HMGN3: variants seen among roughly 807,000 people sequenced by gnomAD.
The protein encoded by HMGN3 is high mobility group nucleosomal binding domain 3.
HMGN3 carries 6 observed loss-of-function variants against 18.8 expected under a neutral mutation model. The ratio of observed to expected loss-of-function variants is 0.32; its 90% CI spans 0.18 to 0.63. HMGN3 has a LOEUF of 0.63. HMGN3 is among the 30% of genes least tolerant of loss of function. The probability of loss-of-function intolerance (pLI) is 0.79; values close to 1 mark genes in which losing one functional copy is unlikely to be tolerated. For synonymous variants in HMGN3, 40 were observed against 36.5 expected, an observed-to-expected ratio of 1.10 and a Z score of -0.35; for missense variants, 107 against 114.2, an observed-to-expected ratio of 0.94 and a Z score of 0.29.
intron 1 of HMGN3, among the ~76,000 whole-genome samples, chr6:79,230,996 A>G (rs772727692): frequency 1.4e-4 from 21 of 152,168 alleles, no homozygotes; most frequent in Non-Finnish European, 2.8e-4. Flanking sequence ...TAAAAACCTA[A>G]TTTTGAGTTT....
chr6:79,203,744 C>A (rs576186477), intron 3 of HMGN3, 114 bp from the exon 4 acceptor site: 2 of 791,588 alleles, frequency 2.5e-6, no homozygotes, highest in South Asian at 3.2e-5. Flanking sequence ...TGGCTTTGGT[C>A]ATTAAAAAGT....
At chr6:79,215,739 T>C (rs748368985) in intron 1 of HMGN3, among the ~76,000 whole-genome samples, 3 of 152,270 alleles carry the variant, frequency 2.0e-5, no homozygotes, top group Non-Finnish European at 2.9e-5. Context: ...ATTTTCTTTA[T>C]ATTTTAAAGT....
chr6:79,227,466 G>A (rs1027249479), intron 1 of HMGN3, among the ~76,000 whole-genome samples: 1 of 152,204 alleles, frequency 6.6e-6, no homozygotes, highest in Non-Finnish European at 1.5e-5. Context: ...CCTAGTGCTT[G>A]TTAGAAGCCT....
intron 1 of HMGN3, among the ~76,000 whole-genome samples, chr6:79,227,494 C>G (rs1256240396): frequency 6.6e-6 from 1 of 152,174 alleles, no homozygotes; most frequent in Non-Finnish European, 1.5e-5. Context: ...CACTGTGATT[C>G]TCTTAATAAT....
At chr6:79,228,544 C>CT (rs1777673888) in intron 1 of HMGN3, among the ~76,000 whole-genome samples, 1 of 152,098 alleles carries the variant, frequency 6.6e-6, no homozygotes, top group Non-Finnish European at 1.5e-5. Flanking sequence ...AATTCAATCT[C>CT]TATCAAAATA....
At chr6:79,220,709 A>T (rs907541098) in intron 1 of HMGN3, among the ~76,000 whole-genome samples, 2 of 152,184 alleles carry the variant, frequency 1.3e-5, no homozygotes, top group East Asian at 3.9e-4. Context: ...GGCCTCCCAA[A>T]GTGTTGAGAT....
intron 2 of HMGN3, among the ~76,000 whole-genome samples, chr6:79,212,579 T>C (rs1776752425): frequency 6.6e-6 from 1 of 152,228 alleles, no homozygotes; most frequent in South Asian, 2.1e-4. Flanking sequence ...TTAGAGTTAC[T>C]ATATGGACCA....
intron 1 of HMGN3, among the ~76,000 whole-genome samples, chr6:79,217,825 T>G (rs777995494): frequency 2.0e-5 from 3 of 152,052 alleles, no homozygotes; most frequent in Non-Finnish European, 4.4e-5. Context: ...AATAAAAACA[T>G]AGAAAGGAGG....
At chr6:79,228,117 G>C (rs1264174176) in intron 1 of HMGN3, among the ~76,000 whole-genome samples, 7 of 152,110 alleles carry the variant, frequency 4.6e-5, no homozygotes. Flanking sequence ...CATTCAGCCT[G>C]GCCAAACCTT....
chr6:79,225,048 A>G (rs1039282848), intron 1 of HMGN3, among the ~76,000 whole-genome samples: 10 of 152,236 alleles, frequency 6.6e-5, no homozygotes, highest in African/African-American at 2.2e-4. Flanking sequence ...TATTAAATAA[A>G]ATACATATGG....
intron 2 of HMGN3, among the ~76,000 whole-genome samples, chr6:79,210,637 G>A (rs1222914367): frequency 6.6e-6 from 1 of 152,060 alleles, no homozygotes; most frequent in Non-Finnish European, 1.5e-5. Context: ...TTGTAGGGAG[G>A]GGAAGAAGTC....
intron 3 of HMGN3, among the ~76,000 whole-genome samples, chr6:79,206,811 C>T (rs1400525598): frequency 6.6e-6 from 1 of 152,162 alleles, no homozygotes; most frequent in Non-Finnish European, 1.5e-5. Flanking sequence ...GTGAAAGCAG[C>T]CAGGAGGGAA....
intron 1 of HMGN3, 60 bp downstream of exon 1, chr6:79,234,486 C>A (rs1041735948): frequency 3.5e-5 from 55 of 1,554,594 alleles, no homozygotes; most frequent in Non-Finnish European, 4.4e-5. Flanking sequence ...CATTGCAATG[C>A]CAGCATTTAC....
At chr6:79,214,024 T>A (rs1406042707) in intron 2 of HMGN3, among the ~76,000 whole-genome samples, 2 of 152,196 alleles carry the variant, frequency 1.3e-5, no homozygotes, top group Non-Finnish European at 2.9e-5. Context: ...TAATAATAAC[T>A]GTGGATGGTC....
At chr6:79,222,429 A>G (rs911386206) in intron 1 of HMGN3, among the ~76,000 whole-genome samples, 6 of 152,194 alleles carry the variant, frequency 3.9e-5, no homozygotes, top group Admixed American at 2.6e-4. Flanking sequence ...AAATGAACAC[A>G]TAACTACTTA....
At chr6:79,214,590 T>C (rs1197513372) in intron 2 of HMGN3, among the ~76,000 whole-genome samples, 4 of 152,216 alleles carry the variant, frequency 2.6e-5, no homozygotes, top group African/African-American at 9.6e-5. Flanking sequence ...GAGCACAGAA[T>C]TTATGAGATC....
chr6:79,221,250 A>T (rs1777268310), intron 1 of HMGN3, among the ~76,000 whole-genome samples: 1 of 152,178 alleles, frequency 6.6e-6, no homozygotes, highest in African/African-American at 2.4e-5. Flanking sequence ...ATGTAATATA[A>T]CTGCTTCATT....
chr6:79,220,291 TAAA>T (rs996947313), intron 1 of HMGN3, among the ~76,000 whole-genome samples: 1 of 152,066 alleles, frequency 6.6e-6, no homozygotes, highest in African/African-American at 2.4e-5. Flanking sequence ...AGCAGGAAAG[TAAA>T]AAACAAAGGA....
At chr6:79,201,582 C>T in exon 6 of HMGN3, 1 of 786,848 alleles carries the variant, frequency 1.3e-6, no homozygotes, top group African/African-American at 1.7e-5. Context: ...CGTATGCCAA[C>T]TAGTAGAGTC....
Sources: allele counts gnomAD v4.1 joint callset (sites outside exome capture counted in the v4.1 genomes callset), GRCh38; gene constraint gnomAD v4.1.1; transcripts MANE v1.5; gene names NCBI Gene and HGNC (gene_info 2026-07-23, HGNC 2026-07-21).